Variants in FES observed in about 807,000 individuals in gnomAD.
FES encodes FES proto-oncogene, tyrosine kinase.
FES carries 83 observed loss-of-function variants against 109.6 expected under a neutral mutation model. The ratio of observed to expected loss-of-function variants is 0.76; its 90% CI spans 0.63 to 0.91. The LOEUF (loss-of-function observed/expected upper bound fraction) is 0.91, where lower values mean the gene tolerates loss of function less well. Ranked by LOEUF, FES falls within the 40% of genes least tolerant of loss-of-function variation. The pLI, the probability that FES is intolerant of heterozygous loss-of-function variation, is 0.00. For synonymous variants in FES, 458 were observed against 442.1 expected (o/e 1.04, Z -0.45); for missense variants, 943 against 1,070.9 (o/e 0.88, Z 1.67).
rs1182610675 is a variant in FES at position 90,887,135 on chromosome 15, GC to G, written c.485-51del. 3.7e-6 allele frequency: 6 copies of G among 1,611,746 alleles called. No individual in the cohort carries two copies. In the African/African-American group the frequency reaches 6.7e-5, roughly 18 times the overall value. ...GTCCTTGGGTACCCAGAGAGTGGGG[GC>G]TGCCTGGGCCTCCATGCTGTCATCT... On this transcript the variant is annotated intron_variant, in intron 4 of 18. Coordinates refer to ENST00000328850, the MANE Select transcript of FES (RefSeq NM_002005.4).
chr15:90,891,643 G>A lies in FES; in HGVS notation c.1620G>A (p.Lys540=). The A allele has an allele frequency of 6.2e-7, 1 of 1,613,956 alleles. No individual in the cohort carries two copies. Among genetic ancestry groups the A allele is most frequent in the Non-Finnish European group, 8.5e-7 (1 of 1,180,004 alleles). The change falls in exon 12 of 19, where the codon AAG becomes AAA. Residue 540 remains lysine (K), a synonymous_variant. Transcript: ENST00000328850. ...GCACCCAGCAGCCCCTCACCAAGAAGAGTGGTGTTGTCCTGCACAGGGCTG... is the reference window on the plus strand; with the variant it reads ...GCACCCAGCAGCCCCTCACCAAGAAAAGTGGTGTTGTCCTGCACAGGGCTG... ...LLSTQQPLTK[K]SGVVLHRAVP...
At chr15:90,892,932 C>A (rs985468189) in intron 14 of FES, 107 bp downstream of exon 14, 9 of 1,358,070 alleles carry the variant, frequency 6.6e-6, no homozygotes, top group Admixed American at 1.8e-5. Context: ...GTCCTCGAGG[C>A]CCCCCATTGC....
chr15:90,894,110 T>C lies in FES; in HGVS notation c.2326+52T>C, dbSNP rs773928488. 1.9e-6 allele frequency: 3 copies of C among 1,601,986 alleles called. No individual in the cohort carries two copies. In the South Asian group the frequency reaches 3.3e-5, roughly 18 times the overall value. On this transcript the variant is annotated intron_variant, in intron 18 of 18. Coordinates refer to ENST00000328850, the MANE Select transcript of FES (RefSeq NM_002005.4). ...TCAGGCTGCACCCTCTTCCAGATGC[T>C]CCAGCCGGACTCTTCTAACTCCCTT...
Position 90,887,299 on chromosome 15 carries a change from C to A in FES, c.597C>A (p.His199Gln). 1 of 1,613,262 alleles carries A rather than the reference C, an allele frequency of 6.2e-7. No homozygotes were observed. Residue 199 changes from histidine to glutamine, a missense_variant, in exon 5 of 19, where the codon CAC becomes CAA. Coordinates refer to ENST00000328850, the MANE Select transcript of FES (RefSeq NM_002005.4). The part of the protein sequence containing the change: ...GVRAAQLHHQ[H>Q]HHQLLLPGLL... ...GGGCTGCGCAGCTACACCACCAGCA[C>A]CACCACCAGCTCCTGCTGCCCGGCC...
intron 4 of FES, 41 bp from the exon 5 acceptor site, chr15:90,887,146 C>T (rs768025740): frequency 1.2e-6 from 2 of 1,611,792 alleles, no homozygotes; most frequent in African/African-American, 2.7e-5. Context: ...CTGCCTGGGC[C>T]TCCATGCTGT....
Position 90,885,123 on chromosome 15 carries a change from AC to A in FES, c.79del (p.Leu27TrpfsTer4). 2 of 1,613,986 alleles carry A rather than the reference AC, an allele frequency of 1.2e-6. No homozygotes were observed. Among genetic ancestry groups the A allele is most frequent in the Non-Finnish European group, 1.7e-6 (2 of 1,180,018 alleles). ...AAATGCAGGAGGCCGAGCTTCGTCTACTGGAGGGCATGAGAAAGTGGATGGC... is the reference window on the plus strand; with the variant it reads ...AAATGCAGGAGGCCGAGCTTCGTCTATGGAGGGCATGAGAAAGTGGATGGC... ...QQMQEAELRL[L>X]EGMRKWMAQR... On this transcript the variant is annotated frameshift_variant, in exon 2 of 19. Coordinates refer to ENST00000328850, the MANE Select transcript of FES (RefSeq NM_002005.4). LOFTEE classifies it high-confidence loss of function.
chr15:90,888,547 A>C (rs949892405), intron 5 of FES, among the ~76,000 whole-genome samples: 1 of 149,290 alleles, frequency 6.7e-6, no homozygotes, highest in Non-Finnish European at 1.5e-5. Context: ...ACGGGGAGGT[A>C]GCAATGGAGG....
chr15:90,888,748 A>G (rs554653138), intron 5 of FES, among the ~76,000 whole-genome samples: 4 of 7,328 alleles, frequency 5.5e-4, no homozygotes, highest in Admixed American at 1.3e-3. Flanking sequence ...ATAGCAGTTC[A>G]TTTATTTATT....
At chr15:90,884,819 G>T in intron 1 of FES, 1 of 524,460 alleles carries the variant, frequency 1.9e-6, no homozygotes, top group Non-Finnish European at 3.4e-6. Flanking sequence ...TCCTGTTCCC[G>T]AACGTGCGGA....
intron 14 of FES, 63 bp downstream of exon 14, chr15:90,892,888 A>C (rs1304565015): frequency 1.2e-5 from 19 of 1,526,066 alleles, no homozygotes; most frequent in Non-Finnish European, 1.7e-5. Flanking sequence ...TGCATGGCAC[A>C]GTGTGAAGTG....
rs1361338320 is a variant in FES, at chr15:90,892,582, G to A, written c.1708-125G>A. On this transcript the variant is annotated intron_variant, in intron 13 of 18. Transcript: ENST00000328850. Reference sequence around the variant, plus strand: ...CCCCAGCGAGGGTCAAACTCCCAGAGAGCCTGGGTGAGGGGTCCGAACACG... The same window carrying A: ...CCCCAGCGAGGGTCAAACTCCCAGAAAGCCTGGGTGAGGGGTCCGAACACG... The A allele has an allele frequency of 4.6e-5, 37 of 804,242 alleles. No individual in the cohort carries two copies. In the Admixed American group the frequency reaches 8.9e-4, roughly 19 times the overall value. The allele number at this position is 804,242 out of a possible 1,614,324, so 49.8% of individuals were successfully genotyped here.
In FES at chr15:90,893,716, G is replaced by T. The variant is rs983127393; in HGVS notation, c.2108G>T (p.Gly703Val). 2 of 1,611,792 alleles carry T rather than the reference G, an allele frequency of 1.2e-6. No individual in the cohort carries two copies. The highest frequency in any genetic ancestry group is 1.3e-5 in the African/African-American group (1 of 74,850). ...EKNVLKISDF[G>V]MSREEADGVY... is the part of the protein sequence containing the mutation. ...AATGTCCTGAAGATCAGTGACTTTGGGATGTCCCGAGAGGAAGCCGATGGG... is the reference window on the plus strand; with the variant it reads ...AATGTCCTGAAGATCAGTGACTTTGTGATGTCCCGAGAGGAAGCCGATGGG... Residue 703 changes from glycine (G) to valine (V), a missense_variant, in exon 17 of 19, where the codon GGG becomes GTG. Coordinates refer to ENST00000328850, the MANE Select transcript of FES (RefSeq NM_002005.4).
chr15:90,893,942 A>G lies in FES; in HGVS notation c.2210A>G (p.Tyr737Cys), dbSNP rs767379092. Residue 737 changes from tyrosine to cysteine, a missense_variant, in exon 18 of 19, where the codon TAC (tyrosine) becomes TGC (cysteine). Transcript: ENST00000328850. ...TAPEALNYGR[Y>C]SSESDVWSFG... is the part of the protein sequence containing the mutation. ...CTCCTCGCCTCCTCTGCAGGCCGCT[A>G]CTCCTCCGAAAGCGACGTGTGGAGC... The G allele has an allele frequency of 4.3e-6, 7 of 1,613,222 alleles. No individual in the cohort carries two copies. In the South Asian group the frequency reaches 5.5e-5, roughly 13 times the overall value.
chr15:90,891,776 C>T lies in FES; in HGVS notation c.1653+100C>T, dbSNP rs1207045104. On this transcript the variant is annotated intron_variant, in intron 12 of 18. Transcript: ENST00000328850. ...CTGAGCAGAAAGGGCTTTCCAGGCC[C>T]TCCGTCTACATACAAGATGCAGAGT... The T allele has an allele frequency of 3.9e-6, 6 of 1,526,794 alleles. No individual in the cohort carries two copies. The East Asian group carries it at 1.1e-4, about 29-fold the overall frequency. The allele number at this position is 1,526,794 out of a possible 1,614,324, so 94.6% of individuals were successfully genotyped here. A position where few individuals can be genotyped will look rare whatever the true frequency, so the allele number is the denominator to read the frequency against.
intron 5 of FES, among the ~76,000 whole-genome samples, chr15:90,888,921 G>A (rs544006512): frequency 6.6e-6 from 1 of 152,138 alleles, no homozygotes; most frequent in Non-Finnish European, 1.5e-5. Context: ...AAGTAGCTGG[G>A]ACTACAGGCA....
intron 10 of FES, 134 bp downstream of exon 10, chr15:90,890,618 A>C (rs2033122813): frequency 1.2e-6 from 1 of 819,378 alleles, no homozygotes; most frequent in Non-Finnish European, 1.9e-6. Context: ...CAGGCTGCAG[A>C]TGTCCCCAGA....
chr15:90,889,960 G>C lies in FES; in HGVS notation c.1047G>C (p.Glu349Asp), dbSNP rs183173261. The change falls in exon 8 of 19, where the codon GAG becomes GAC. Residue 349 changes from glutamate (E) to aspartate (D), a missense_variant and splice_region_variant. Transcript: ENST00000328850. The surrounding 1 kb of genome is among the most constrained non-coding windows in gnomAD (Gnocchi z 6.1). Reference protein sequence around the residue: ...RNEEENTHPRERVQLLGKRQV... With the variant: ...RNEEENTHPRDRVQLLGKRQV... ...AAGAGGAGAACACCCACCCCCGGGAGCGGTGAGTGGGCCCCTGCCTGCAGC... is the reference window on the plus strand; with the variant it reads ...AAGAGGAGAACACCCACCCCCGGGACCGGTGAGTGGGCCCCTGCCTGCAGC... The C allele has an allele frequency of 1.9e-6, 3 of 1,612,998 alleles. No individual in the cohort carries two copies. The South Asian group carries it at 3.3e-5, about 18-fold the overall frequency.
At chr15:90,892,291 A>G in intron 13 of FES, 180 bp downstream of exon 13, 1 of 666,826 alleles carries the variant, frequency 1.5e-6, no homozygotes, top group East Asian at 2.7e-5. Flanking sequence ...CCTACCCTGA[A>G]AACTCCCAGC....
At chr15:90,891,495 C>T in intron 11 of FES, 59 bp from the exon 12 acceptor site, 1 of 1,609,362 alleles carries the variant, frequency 6.2e-7, no homozygotes, top group South Asian at 1.1e-5. Context: ...CTTTCCCCCT[C>T]CCAGGGCTCA....
Sources: allele counts gnomAD v4.1 joint callset (sites outside exome capture counted in the v4.1 genomes callset), GRCh38; gene constraint gnomAD v4.1.1; non-coding constraint Gnocchi (gnomAD v3.1); transcripts MANE v1.5; gene names NCBI Gene and HGNC (gene_info 2026-07-23, HGNC 2026-07-21).